The following SEL1L2 variants were observed in gnomAD, a reference collection of about 807,000 sequenced individuals.
The protein encoded by SEL1L2 is protein sel-1 homolog 2.
Under a neutral mutation model 98.8 loss-of-function variants are expected in SEL1L2, and 89 were observed. The observed-to-expected ratio is 0.90, with a 90% CI of 0.76 to 1.07. The LOEUF is 1.07. Ranked by LOEUF, SEL1L2 falls within the 50% of genes least tolerant of loss-of-function variation. SEL1L2 has a pLI of 0.00. For synonymous variants in SEL1L2, 262 were observed against 278.5 expected (o/e 0.94, Z 0.59); for missense variants, 788 against 812.0 (o/e 0.97, Z 0.36).
Position 13,865,211 on chromosome 20 carries a change from A to G in SEL1L2, c.1601T>C (p.Met534Thr), listed in dbSNP as rs1568845086. The change falls in exon 17 of 20, where the codon ATG (methionine) becomes ACG (threonine). Residue 534 changes from methionine (M) to threonine (T), a missense_variant. Physicochemically the swap from Met to Thr is moderately conservative, Grantham distance 81 (BLOSUM62 -1). Coordinates refer to ENST00000284951, the MANE Select transcript of SEL1L2 (RefSeq NM_025229.2). ...KKANILEKEK[M>T]YPMALLLWNR... ...CCATAGGAGAAGCGCCATTGGATAC[A>G]TCTTCTCTTTTTCAAGAATGTTAGC... 1.2e-6 allele frequency: 2 copies of G among 1,613,816 alleles called. No homozygotes were observed. The highest frequency in any genetic ancestry group is 1.7e-6 in the Non-Finnish European group (2 of 1,179,770).
intron 18 of SEL1L2, among the ~76,000 whole-genome samples, chr20:13,854,664 T>C (rs1224427217): frequency 2.0e-5 from 3 of 152,168 alleles, no homozygotes; most frequent in African/African-American, 7.2e-5. Flanking sequence ...CTTCCTGATA[T>C]AGGAAATAGT....
chr20:13,929,669 T>A (rs2049051388), intron 3 of SEL1L2, among the ~76,000 whole-genome samples: 1 of 151,350 alleles, frequency 6.6e-6, no homozygotes, highest in Non-Finnish European at 1.5e-5. Context: ...CCCTGCTAAT[T>A]TTTTGTATTT....
chr20:13,911,948 T>C (rs2048221771), intron 5 of SEL1L2, among the ~76,000 whole-genome samples: 1 of 152,164 alleles, frequency 6.6e-6, no homozygotes, highest in East Asian at 1.9e-4. Context: ...GTGTTCCAGG[T>C]ATGAAACTAA....
At chr20:13,978,849 C>A (rs376576331) in intron 1 of SEL1L2, among the ~76,000 whole-genome samples, 61 of 152,082 alleles carry the variant, frequency 4.0e-4, no homozygotes, top group Middle Eastern at 3.4e-3. Context: ...ACTTGAGGTC[C>A]GGAGTTTGAG....
intron 1 of SEL1L2, among the ~76,000 whole-genome samples, chr20:13,965,753 G>A (rs1600959498): frequency 6.6e-6 from 1 of 152,190 alleles, no homozygotes; most frequent in Non-Finnish European, 1.5e-5. Context: ...AAGAGATCAA[G>A]ACCATCCTGG....
chr20:13,894,952 C>T (rs1375126766), intron 5 of SEL1L2, among the ~76,000 whole-genome samples: 2 of 152,202 alleles, frequency 1.3e-5, no homozygotes, highest in East Asian at 1.9e-4. Context: ...ATTTTCCAAA[C>T]TTTCCATGAG....
At chr20:13,933,959 T>C (rs931351560) in intron 2 of SEL1L2, among the ~76,000 whole-genome samples, 6 of 49,020 alleles carry the variant, frequency 1.2e-4, no homozygotes, top group African/African-American at 6.4e-5. Context: ...TCAGTAAACC[T>C]AAGGTTTTTT....
At chr20:13,923,418 T>A (rs2048744806) in intron 3 of SEL1L2, among the ~76,000 whole-genome samples, 1 of 152,222 alleles carries the variant, frequency 6.6e-6, no homozygotes. Context: ...GAAACTTGTT[T>A]TGTGGCCTTG....
chr20:13,930,242 A>G (rs1273154735), intron 3 of SEL1L2, among the ~76,000 whole-genome samples: 3 of 152,192 alleles, frequency 2.0e-5, no homozygotes, highest in African/African-American at 7.2e-5. Context: ...ATGAAGGGTA[A>G]GCAGGAAGTG....
At chr20:13,914,439 A>C (rs996912462) in intron 4 of SEL1L2, among the ~76,000 whole-genome samples, 3 of 152,234 alleles carry the variant, frequency 2.0e-5, no homozygotes, top group Non-Finnish European at 2.9e-5. Flanking sequence ...TTAATTTGCT[A>C]AACAGAATAT....
intron 4 of SEL1L2, among the ~76,000 whole-genome samples, chr20:13,917,532 A>G (rs1018705): frequency 0.19 from 28,678 of 152,200 alleles, 3,525 homozygotes; most frequent in Non-Finnish European, 0.26. Context: ...AGCACAAAGC[A>G]GGTGCTTAAT....
intron 10 of SEL1L2, among the ~76,000 whole-genome samples, chr20:13,882,553 C>T (rs1405550091): frequency 6.6e-6 from 1 of 152,176 alleles, no homozygotes; most frequent in Non-Finnish European, 1.5e-5. Context: ...GGGCCCCAGT[C>T]ATTCTCGCAG....
At chr20:13,977,426 C>T (rs150827118) in intron 1 of SEL1L2, among the ~76,000 whole-genome samples, 97 of 152,226 alleles carry the variant, frequency 6.4e-4, no homozygotes, top group African/African-American at 2.0e-3. Context: ...AGCAAGAGGC[C>T]GCTGGATTGG....
At chr20:13,854,046 A>G (rs1292104261) in intron 18 of SEL1L2, among the ~76,000 whole-genome samples, 2 of 152,192 alleles carry the variant, frequency 1.3e-5, no homozygotes, top group Non-Finnish European at 2.9e-5. Context: ...TTAAATACCT[A>G]ATTTTAACTT....
intron 5 of SEL1L2, among the ~76,000 whole-genome samples, chr20:13,898,535 A>G (rs534165105): frequency 6.6e-6 from 1 of 152,270 alleles, no homozygotes; most frequent in East Asian, 1.9e-4. Context: ...ATCAACTTCC[A>G]GTGAATTTCA....
At chr20:13,859,710 T>A (rs903261409) in intron 17 of SEL1L2, among the ~76,000 whole-genome samples, 9 of 152,198 alleles carry the variant, frequency 5.9e-5, no homozygotes, top group African/African-American at 2.2e-4. Flanking sequence ...TGTTTGTTTG[T>A]TTGTTTTGAG....
intron 14 of SEL1L2, among the ~76,000 whole-genome samples, chr20:13,868,757 G>A (rs1024725925): frequency 3.3e-5 from 5 of 151,888 alleles, no homozygotes; most frequent in South Asian, 2.1e-4. Flanking sequence ...ACAGGCAGCC[G>A]CCACCATGCC....
chr20:13,933,334 G>T (rs2049242267), intron 2 of SEL1L2, among the ~76,000 whole-genome samples: 1 of 152,022 alleles, frequency 6.6e-6, no homozygotes, highest in African/African-American at 2.4e-5. Flanking sequence ...TCACAGACAT[G>T]TGCAACCATT....
At chr20:13,956,003 G>A (rs1000424879) in intron 2 of SEL1L2, 73 bp downstream of exon 2, 5 of 770,020 alleles carry the variant, frequency 6.5e-6, no homozygotes, top group Non-Finnish European at 9.0e-6. Context: ...ATAATTCTGA[G>A]TATCCTGAAA....
Sources: allele counts gnomAD v4.1 joint callset (sites outside exome capture counted in the v4.1 genomes callset), GRCh38; gene constraint gnomAD v4.1.1; transcripts MANE v1.5; gene names NCBI Gene and HGNC (gene_info 2026-07-23, HGNC 2026-07-21).